The following TIAM1 variants were observed in gnomAD, a reference collection of about 807,000 sequenced individuals.
TIAM1 encodes the protein rho guanine nucleotide exchange factor TIAM1.
Under a neutral mutation model 163.5 loss-of-function variants are expected in TIAM1, and 65 were observed. The observed-to-expected ratio is 0.40, with a 90% CI of 0.33 to 0.49. TIAM1 has a LOEUF of 0.49. TIAM1 is among the 20% of genes least tolerant of loss of function. The pLI is 0.77. For synonymous variants in TIAM1, 833 were observed against 810.1 expected (o/e 1.03, Z -0.48); for missense variants, 1,789 against 2,044.7 (o/e 0.87, Z 2.41).
chr21:31,124,433 C>T (rs2082112147), intron 27 of TIAM1, 89 bp downstream of exon 27: 3 of 1,557,692 alleles, frequency 1.9e-6, no homozygotes, highest in Non-Finnish European at 2.6e-6. Context: ...CCACACCTCA[C>T]CCCCACTCAA....
At chr21:31,251,696 C>T in intron 5 of TIAM1, 46 bp downstream of exon 5, 1 of 1,526,124 alleles carries the variant, frequency 6.6e-7, no homozygotes, top group Non-Finnish European at 8.8e-7. Context: ...AACGGGGCAC[C>T]TCTATTGGTG....
intron 19 of TIAM1, among the ~76,000 whole-genome samples, chr21:31,150,810 G>GA (rs1433032051): frequency 1.3e-5 from 2 of 151,920 alleles, no homozygotes; most frequent in African/African-American, 4.8e-5. Flanking sequence ...CTCAAATACA[G>GA]AAAAAAATAT....
chr21:31,531,385 A>G (rs1332617241), intron 1 of TIAM1, among the ~76,000 whole-genome samples: 3 of 151,188 alleles, frequency 2.0e-5, no homozygotes, highest in Non-Finnish European at 4.4e-5. Context: ...GGGGCTGCCT[A>G]GTGAGAGGAG....
chr21:31,207,040 T>C (rs577123959), intron 11 of TIAM1, among the ~76,000 whole-genome samples: 1 of 152,272 alleles, frequency 6.6e-6, no homozygotes, highest in East Asian at 1.9e-4. Context: ...TTATAGCATA[T>C]CCAAAGCCAC....
intron 1 of TIAM1, among the ~76,000 whole-genome samples, chr21:31,537,827 T>G (rs1602517565): frequency 6.6e-6 from 1 of 152,094 alleles, no homozygotes; most frequent in Non-Finnish European, 1.5e-5. Flanking sequence ...AGGGATGGGG[T>G]GAGCACAAGA....
chr21:31,451,291 A>C (rs959561499), intron 2 of TIAM1, among the ~76,000 whole-genome samples: 5 of 152,218 alleles, frequency 3.3e-5, no homozygotes, highest in African/African-American at 1.2e-4. Context: ...CCACGGGGAC[A>C]GGAGGGCTTG....
intron 23 of TIAM1, among the ~76,000 whole-genome samples, chr21:31,133,827 T>C (rs1464916940): frequency 1.3e-5 from 2 of 152,124 alleles, no homozygotes; most frequent in African/African-American, 4.8e-5. Flanking sequence ...CCCAGCACTT[T>C]GGGAGGCCGA....
At chr21:31,144,794 G>A (rs1407688383) in intron 20 of TIAM1, among the ~76,000 whole-genome samples, 36 of 126,474 alleles carry the variant, frequency 2.8e-4, no homozygotes, top group Admixed American at 2.4e-3. Flanking sequence ...ACACCACTGC[G>A]CTCCAGCCTG....
At chr21:31,460,123 AG>A (rs1213314338) in intron 2 of TIAM1, among the ~76,000 whole-genome samples, 1 of 152,146 alleles carries the variant, frequency 6.6e-6, no homozygotes, top group Non-Finnish European at 1.5e-5. Flanking sequence ...CCAACTCCCC[AG>A]GAAGTTAGCC....
intron 2 of TIAM1, among the ~76,000 whole-genome samples, chr21:31,398,136 A>G (rs1240894841): frequency 6.8e-6 from 1 of 147,934 alleles, no homozygotes; most frequent in Non-Finnish European, 1.5e-5. Flanking sequence ...TAATCTCTGC[A>G]AGCAAATGTC....
chr21:31,387,195 C>CTCTTTTT lies in TIAM1; in HGVS notation c.-368-47774_-368-47773insAAAAAGA, dbSNP rs759122075. On this transcript the variant is annotated intron_variant, in intron 2 of 28. Coordinates refer to the TIAM1 transcript ENST00000286827. ...GCTTTTGTTTGTAGAAGCTTATTCT[C>CTCTTTTT]TTTTTTTTTTTTTTTTTTTTTTTTT... Among the ~76,000 whole-genome samples the CTCTTTTT allele has an allele frequency of 5.1e-3, 383 of 75,134 alleles. 7 individuals are homozygous for CTCTTTTT. The highest frequency in any genetic ancestry group is 6.7e-3 in the Non-Finnish European group (259 of 38,778). The allele number at this position is 75,134 out of a possible 152,430, so 49.3% of individuals were successfully genotyped here.
upstream of TIAM1, among the ~76,000 whole-genome samples, chr21:31,345,196 G>T (rs895440915): frequency 6.6e-6 from 1 of 152,146 alleles, no homozygotes; most frequent in African/African-American, 2.4e-5. Context: ...ATTCATGGAT[G>T]AAATTGATAG....
At chr21:31,551,757 T>G (rs2048695547) in intron 1 of TIAM1, among the ~76,000 whole-genome samples, 1 of 151,834 alleles carries the variant, frequency 6.6e-6, no homozygotes, top group African/African-American at 2.4e-5. Context: ...AAAAGAACCA[T>G]AAGTATAATT....
chr21:31,204,048 G>A (rs1329211282), intron 11 of TIAM1, among the ~76,000 whole-genome samples: 9 of 152,116 alleles, frequency 5.9e-5, no homozygotes, highest in Admixed American at 2.6e-4. Flanking sequence ...TAATTTTGAG[G>A]AATAAGTAAT....
At chr21:31,295,017 T>G (rs753017123) in intron 2 of TIAM1, among the ~76,000 whole-genome samples, 4 of 152,194 alleles carry the variant, frequency 2.6e-5, no homozygotes, top group Non-Finnish European at 5.9e-5. Context: ...ACGCTAGTTT[T>G]CATCTAAAAA....
chr21:31,241,991 T>C (rs929290158), intron 6 of TIAM1, among the ~76,000 whole-genome samples: 2 of 152,058 alleles, frequency 1.3e-5, no homozygotes, highest in African/African-American at 2.4e-5. Flanking sequence ...GCCTGGGTAA[T>C]AGAGCAAGAC....
At chr21:31,310,957 T>G (rs1046798616) in intron 2 of TIAM1, among the ~76,000 whole-genome samples, 4 of 152,194 alleles carry the variant, frequency 2.6e-5, no homozygotes, top group Non-Finnish European at 5.9e-5. Context: ...TGCAATCCTC[T>G]GACAAAGGGC....
chr21:31,530,036 T>C (rs2047923572), intron 1 of TIAM1, among the ~76,000 whole-genome samples: 1 of 152,196 alleles, frequency 6.6e-6, no homozygotes. Flanking sequence ...GAAGACAACC[T>C]GGCATTCACA....
intron 2 of TIAM1, among the ~76,000 whole-genome samples, chr21:31,457,277 G>T (rs930341303): frequency 6.6e-6 from 1 of 152,092 alleles, no homozygotes; most frequent in African/African-American, 2.4e-5. Flanking sequence ...ACACCCAGAC[G>T]GTCATTGCTC....
Sources: gnomAD v4.1 joint callset for allele counts (sites outside exome capture counted in the v4.1 genomes callset) on GRCh38, gnomAD v4.1.1 for gene constraint, MANE v1.5 for transcripts, NCBI Gene and HGNC (gene_info 2026-07-23, HGNC 2026-07-21) for gene names.